TASP1: variants seen among roughly 807,000 people sequenced by gnomAD.
TASP1 encodes the protein taspase 1, also known as threonine aspartase 1.
TASP1 carries 16 observed loss-of-function variants against 56.6 expected under a neutral mutation model. The ratio of observed to expected loss-of-function variants is 0.28; its 90% CI spans 0.19 to 0.43. The LOEUF is 0.43. Ranked by LOEUF, TASP1 falls within the 20% of genes least tolerant of loss-of-function variation. TASP1 has a pLI of 1.00. For missense variants in TASP1, 393 were observed against 511.6 expected (o/e 0.77, Z 2.24); for synonymous variants, 179 against 184.2 (o/e 0.97, Z 0.23).
the TASP1 span, among the ~76,000 whole-genome samples, chr20:13,290,182 T>A: frequency 6.6e-6 from 1 of 152,120 alleles, no homozygotes; most frequent in Non-Finnish European, 1.5e-5. Flanking sequence ...GACTTTCCCA[T>A]GCTCATTAGG....
chr20:13,483,203 T>C (rs1168281882), intron 11 of TASP1, 24 bp downstream of exon 11: 2 of 1,450,084 alleles, frequency 1.4e-6, no homozygotes, highest in East Asian at 2.4e-5. Context: ...TTAGAAGATG[T>C]AATCTTCTTA....
At chr20:13,560,637 A>C (rs375951983) in intron 7 of TASP1, among the ~76,000 whole-genome samples, 4 of 152,286 alleles carry the variant, frequency 2.6e-5, no homozygotes, top group African/African-American at 9.6e-5. Context: ...AACAGGGAGA[A>C]GGTAGAGAAA....
chr20:13,499,338 C>T (rs2043856596), intron 10 of TASP1, among the ~76,000 whole-genome samples: 1 of 151,816 alleles, frequency 6.6e-6, no homozygotes, highest in African/African-American at 2.4e-5. Context: ...GGTGCAAGGG[C>T]TGAAAAACTA....
At chr20:13,577,447 T>C (rs1473723376) in intron 6 of TASP1, among the ~76,000 whole-genome samples, 5 of 152,166 alleles carry the variant, frequency 3.3e-5, no homozygotes, top group Admixed American at 6.5e-5. Context: ...TCTATTTCTG[T>C]GCACTGAATT....
intron 11 of TASP1, among the ~76,000 whole-genome samples, chr20:13,437,310 G>A (rs6042094): frequency 0.011 from 1,688 of 152,046 alleles, 42 homozygotes; most frequent in African/African-American, 0.038. Context: ...ATTCAACAAC[G>A]CTTCATGCTA....
At chr20:13,454,837 C>G (rs1448439124) in intron 11 of TASP1, among the ~76,000 whole-genome samples, 7 of 152,076 alleles carry the variant, frequency 4.6e-5, no homozygotes, top group Non-Finnish European at 2.9e-5. Context: ...CATCCTAATT[C>G]AGCAGAGCTC....
intron 13 of TASP1, among the ~76,000 whole-genome samples, chr20:13,406,126 G>A (rs1179788334): frequency 1.3e-5 from 2 of 152,080 alleles, no homozygotes; most frequent in Admixed American, 6.5e-5. Flanking sequence ...CTCTAACTCT[G>A]ATCTTTTTTA....
Position 13,413,650 on chromosome 20 carries a change from T to G in TASP1, c.1170+3798A>C, listed in dbSNP as rs13043383. On this transcript the variant is annotated intron_variant, in intron 13 of 13. Coordinates refer to ENST00000337743, the MANE Select transcript of TASP1 (RefSeq NM_017714.3). ...AAACCAAGGGTGATATTTTTTGAAC[T>G]GCATCATTTCAAGTACAAGACCCAA... Among the ~76,000 whole-genome samples, 236 of 152,272 alleles carry G rather than the reference T, an allele frequency of 1.5e-3. 1 individual carries two copies. The highest frequency in any genetic ancestry group is 2.2e-3 in the Non-Finnish European group (151 of 68,018).
At chr20:13,294,264 G>A in the TASP1 span, among the ~76,000 whole-genome samples, 1 of 152,326 alleles carries the variant, frequency 6.6e-6, no homozygotes, top group African/African-American at 2.4e-5. Context: ...ATTGGATGCA[G>A]TTTGGAAATT....
At chr20:13,164,766 C>G in the TASP1 span, 2 of 1,613,274 alleles carry the variant, frequency 1.2e-6, no homozygotes, top group African/African-American at 1.3e-5. Flanking sequence ...TTTAGAAGCT[C>G]TTGATGAAAT....
chr20:13,233,430 T>C, the TASP1 span, among the ~76,000 whole-genome samples: 1 of 151,838 alleles, frequency 6.6e-6, no homozygotes, highest in East Asian at 1.9e-4. Flanking sequence ...ACCCCATCTC[T>C]ACTGACAATA....
the TASP1 span, among the ~76,000 whole-genome samples, chr20:13,116,876 C>T: frequency 6.6e-6 from 1 of 152,012 alleles, no homozygotes; most frequent in Non-Finnish European, 1.5e-5. Context: ...TTAACAAATC[C>T]TTCAGAGGAT....
chr20:13,495,404 T>C (rs2043684706), intron 10 of TASP1, among the ~76,000 whole-genome samples: 2 of 152,276 alleles, frequency 1.3e-5, no homozygotes, highest in South Asian at 4.1e-4. Context: ...TGCTTATCCC[T>C]TTCTCTATTC....
chr20:13,464,087 T>G (rs1052708330), intron 11 of TASP1, among the ~76,000 whole-genome samples: 2 of 152,172 alleles, frequency 1.3e-5, no homozygotes, highest in Non-Finnish European at 2.9e-5. Flanking sequence ...GCCAAAGGTG[T>G]TATTCACAAC....
the TASP1 span, among the ~76,000 whole-genome samples, chr20:13,208,502 A>G: frequency 6.6e-6 from 1 of 152,128 alleles, no homozygotes; most frequent in Non-Finnish European, 1.5e-5. Flanking sequence ...TCTTCCCTTT[A>G]TCTATACCCT....
intron 4 of TASP1, chr20:13,600,610 T>A (rs1389430044): frequency 6.6e-6 from 1 of 152,120 alleles, no homozygotes; most frequent in Non-Finnish European, 1.5e-5. Flanking sequence ...GGGTTAAAAC[T>A]ATAAACACTG....
chr20:13,398,436 C>T (rs1304709425), intron 13 of TASP1, among the ~76,000 whole-genome samples: 1 of 151,924 alleles, frequency 6.6e-6, no homozygotes, highest in East Asian at 1.9e-4. Context: ...TATTGCTCCA[C>T]CTTGTTCTAC....
the TASP1 span, among the ~76,000 whole-genome samples, chr20:13,305,971 C>T: frequency 1.9e-4 from 29 of 152,168 alleles, no homozygotes; most frequent in African/African-American, 4.8e-5. Context: ...GATTGAGACA[C>T]AGCTGCAATA....
At chr20:13,233,974 T>A in the TASP1 span, among the ~76,000 whole-genome samples, 2 of 152,172 alleles carry the variant, frequency 1.3e-5, no homozygotes, top group Non-Finnish European at 2.9e-5. Flanking sequence ...TTTAAAAATG[T>A]TTACTTATAT....
Sources: gnomAD v4.1 joint callset for allele counts (sites outside exome capture counted in the v4.1 genomes callset) on GRCh38, gnomAD v4.1.1 for gene constraint, MANE v1.5 for transcripts, NCBI Gene and HGNC (gene_info 2026-07-23, HGNC 2026-07-21) for gene names.